FLG: variants seen among roughly 807,000 people sequenced by gnomAD.
FLG encodes the protein filaggrin.
FLG carries 6 observed loss-of-function variants against 3.8 expected under a neutral mutation model. The observed-to-expected ratio is 1.60, with a 90% CI of 0.87 to 3.15. FLG has a LOEUF of 3.15. Among genes scored for constraint, FLG ranks in the 30% most tolerant of loss-of-function variants. The pLI is 0.00. For missense variants in FLG, 7,595 were observed against 5,050.9 expected, an observed-to-expected ratio of 1.50 and a Z score of -15.27; for synonymous variants, 2,551 against 1,931.6, an observed-to-expected ratio of 1.32 and a Z score of -8.41.
rs143755834 is a variant in FLG at position 152,312,080 on chromosome 1, A to G, written c.2806T>C (p.Ser936Pro). The G allele has an allele frequency of 4.0e-4, 640 of 1,613,188 alleles. 1 individual carries two copies. The highest frequency in any genetic ancestry group is 5.1e-4 in the Non-Finnish European group (603 of 1,179,828). The part of the protein sequence containing the change: ...SQAGQGQSEG[S>P]RTSRRQGSSV... The stretch of plus-strand genomic sequence containing the variant: ...GATCCCTGGCGCCTGCTTGTCCTGG[A>G]CCCCTCTGATTGTCCCTGGCCTGCC... The change falls in exon 3 of 3, where the codon TCC (serine) becomes CCC (proline). Residue 936 changes from serine to proline, a missense_variant. Coordinates refer to ENST00000368799, the MANE Select transcript of FLG (RefSeq NM_002016.2).
Position 152,310,228 on chromosome 1 carries a change from C to T in FLG, c.4658G>A (p.Gly1553Asp). 1.9e-6 allele frequency: 3 copies of T among 1,613,838 alleles called. No individual in the cohort carries two copies. The highest frequency in any genetic ancestry group is 2.5e-6 in the Non-Finnish European group (3 of 1,179,974). ...GTGACGTGACCCTGAGTGCCTGGAG[C>T]CGTCTCCTGATTGTTCCTCATTTCT... ...QTRNEEQSGD[G>D]SRHSGSRHHE... The change falls in exon 3 of 3, where the codon GGC (glycine) becomes GAC (aspartate). Residue 1553 changes from glycine to aspartate, a missense_variant. Physicochemically the swap from Gly to Asp is moderately conservative, Grantham distance 94. Transcript: ENST00000368799.
At chr1:152,319,520 C>T (rs1652888802) in intron 1 of FLG, among the ~76,000 whole-genome samples, 1 of 151,130 alleles carries the variant, frequency 6.6e-6, no homozygotes, top group South Asian at 2.1e-4. Context: ...TAAAAGAAAA[C>T]CAAAGCAAGA....
chr1:152,307,610 A>T lies in FLG; in HGVS notation c.7276T>A (p.Ser2426Thr). Residue 2426 changes from serine to threonine, a missense_variant, in exon 3 of 3, where the codon TCC (serine) becomes ACC (threonine). Ser to Thr is a moderately conservative substitution (Grantham distance 58). Coordinates refer to ENST00000368799, the MANE Select transcript of FLG (RefSeq NM_002016.2). ...CTGGTCCCGGTCCGTCCATGGGCGG[A>T]CTCAGACTGTTCATGAGTGCTCACC... ...YQVSTHEQSE[S>T]AHGRTGTSTG... 1.9e-6 allele frequency: 3 copies of T among 1,612,514 alleles called. No individual in the cohort carries two copies. Among genetic ancestry groups the T allele is most frequent in the Non-Finnish European group, 2.5e-6 (3 of 1,179,726 alleles).
rs763503834 is a variant in FLG at position 152,304,403 on chromosome 1, A to T, written c.10483T>A (p.Ser3495Thr). 39 of 1,610,522 alleles carry T rather than the reference A, an allele frequency of 2.4e-5. No homozygotes were observed. The highest frequency in any genetic ancestry group is 3.3e-5 in the Non-Finnish European group (39 of 1,178,878). ...ASRQTRNDEQ[S>T]GDGSRHSWSH... ...CATGAGTGCCTGGAGCCATCTCCTG[A>T]TTGTTCGTCATTACGAGTTTGTCTG... Residue 3495 changes from serine to threonine, a missense_variant, in exon 3 of 3, where the codon TCA (serine) becomes ACA (threonine). Transcript: ENST00000368799.
Position 152,310,337 on chromosome 1 carries a change from A to G in FLG, c.4549T>C (p.Tyr1517His). The change falls in exon 3 of 3, where the codon TAC becomes CAC. Residue 1517 changes from tyrosine to histidine, a missense_variant. Physicochemically the swap from Tyr to His is moderately conservative, Grantham distance 83. Coordinates refer to ENST00000368799, the MANE Select transcript of FLG (RefSeq NM_002016.2). ...QSVDRSGHSGYHHSHTTPQGR... is the reference protein window; with the variant it reads ...QSVDRSGHSGHHHSHTTPQGR... ...TGGGGTGTGGTGTGGCTGTGATGGT[A>G]CCCTGAGTGTCCAGACCTATCTACT... The G allele has an allele frequency of 1.9e-6, 3 of 1,613,610 alleles. No individual in the cohort carries two copies. Among genetic ancestry groups the G allele is most frequent in the Non-Finnish European group, 2.5e-6 (3 of 1,179,936 alleles).
intron 1 of FLG, 49 bp from the exon 2 acceptor site, chr1:152,315,526 G>A: frequency 7.2e-7 from 1 of 1,385,024 alleles, no homozygotes. Flanking sequence ...TTTTTTTCTA[G>A]GTTATATTAT....
chr1:152,319,515 G>T (rs1250831499), intron 1 of FLG, among the ~76,000 whole-genome samples: 1 of 151,374 alleles, frequency 6.6e-6, no homozygotes, highest in Non-Finnish European at 1.5e-5. Flanking sequence ...AGATATAAAA[G>T]AAAACCAAAG....
Position 152,312,074 on chromosome 1 carries a change from T to C in FLG, c.2812A>G (p.Thr938Ala). The change falls in exon 3 of 3, where the codon ACA becomes GCA. Residue 938 changes from threonine (T) to alanine (A), a missense_variant. Transcript: ENST00000368799. The stretch of plus-strand genomic sequence containing the variant: ...ACACTGGATCCCTGGCGCCTGCTTG[T>C]CCTGGACCCCTCTGATTGTCCCTGG... ...AGQGQSEGSR[T>A]SRRQGSSVSQ... 1 of 1,614,118 alleles carries C rather than the reference T, an allele frequency of 6.2e-7. No individual in the cohort carries two copies. Among genetic ancestry groups the C allele is most frequent in the Non-Finnish European group, 8.5e-7 (1 of 1,180,014 alleles).
chr1:152,304,992 T>G lies in FLG; in HGVS notation c.9894A>C (p.Pro3298=), dbSNP rs1172507233. The change falls in exon 3 of 3, where the codon CCA becomes CCC. Residue 3298 remains proline, a synonymous_variant. Transcript: ENST00000368799. ...GGTGGCGGGATCCGTGTCTCTCTCC[T>G]GGACTTGATCTTGCCTGTTCATGGG... ...ASSHEQARSS[P]GERHGSRHQQ... The G allele has an allele frequency of 4.3e-5, 70 of 1,613,700 alleles. 2 individuals carry two copies. The Admixed American group carries it at 1.1e-3, about 25-fold the overall frequency.
chr1:152,315,602 A>T, intron 1 of FLG, 125 bp from the exon 2 acceptor site: 1 of 696,220 alleles, frequency 1.4e-6, no homozygotes, highest in South Asian at 1.9e-5. Context: ...AGAATGGAAG[A>T]TGGACATGAG....
In FLG at chr1:152,312,150, A is replaced by T. The variant is rs1431415013; in HGVS notation, c.2736T>A (p.Arg912=). 4 of 1,613,724 alleles carry T rather than the reference A, an allele frequency of 2.5e-6. No individual in the cohort carries two copies. The highest frequency in any genetic ancestry group is 3.4e-6 in the Non-Finnish European group (4 of 1,179,922). Residue 912 remains arginine (R), a synonymous_variant, in exon 3 of 3, where the codon CGT becomes CGA. Transcript: ENST00000368799. The part of the protein sequence containing the change: ...SRDGSRHSGS[R]HHEASSHADI... ...CGGCATGAGAGGAAGCTTCATGGTG[A>T]CGTGACCCTGAGTGCCTGGAGCCGT... is the stretch of plus-strand genomic sequence containing the variant.
rs1240524754 is a variant in FLG at position 152,303,605 on chromosome 1, G to A, written c.11281C>T (p.His3761Tyr). The A allele has an allele frequency of 2.5e-6, 4 of 1,613,862 alleles. No individual in the cohort carries two copies. The highest frequency in any genetic ancestry group is 2.5e-6 in the Non-Finnish European group (3 of 1,179,932). ...CTTCCTCCTCTCCTTGACCCCGGGTGTCCACGAATGGTGTCCTGACCCTCT... is the reference window on the plus strand; with the variant it reads ...CTTCCTCCTCTCCTTGACCCCGGGTATCCACGAATGGTGTCCTGACCCTCT... ...SQEGQDTIRG[H>Y]PGSRRGGRQG... Residue 3761 changes from histidine to tyrosine, a missense_variant, in exon 3 of 3, where the codon CAC (histidine) becomes TAC (tyrosine). His to Tyr is a moderately conservative substitution (Grantham distance 83). Coordinates refer to ENST00000368799, the MANE Select transcript of FLG (RefSeq NM_002016.2).
At position 152,312,750 on chromosome 1, in the gene FLG, G is replaced by T. The variant is rs774723924; in HGVS notation, c.2136C>A (p.His712Gln). Residue 712 changes from histidine to glutamine, a missense_variant, in exon 3 of 3, where the codon CAC becomes CAA. Coordinates refer to ENST00000368799, the MANE Select transcript of FLG (RefSeq NM_002016.2). ...TGGAGCTGTCTGCTGACTGGAGCTGGTGGCGGGATCCATGTCTTTCTCCTG... is the reference window on the plus strand; with the variant it reads ...TGGAGCTGTCTGCTGACTGGAGCTGTTGGCGGGATCCATGTCTTTCTCCTG... The part of the protein sequence containing the change: ...SSAGERHGSR[H>Q]QLQSADSSRH... 7.4e-6 allele frequency: 12 copies of T among 1,614,018 alleles called. No homozygotes were observed. Among genetic ancestry groups the T allele is most frequent in the Non-Finnish European group, 8.5e-6 (10 of 1,180,026 alleles).
rs377623637 is a variant in FLG at position 152,310,771 on chromosome 1, C to T, written c.4115G>A (p.Gly1372Asp). 13 of 1,613,728 alleles carry T rather than the reference C, an allele frequency of 8.1e-6. No individual in the cohort carries two copies. Among genetic ancestry groups the T allele is most frequent in the Non-Finnish European group, 1.0e-5 (12 of 1,179,962 alleles). ...QQSADSSRHS[G>D]IGHRQASSAV... ...AGATGAAGCTTGTCTGTGCCCAATG[C>T]CTGAGTGTCTGGAGCTGTCTGCTGA... The change falls in exon 3 of 3, where the codon GGC becomes GAC. Residue 1372 changes from glycine to aspartate, a missense_variant. By Grantham distance (94) the Gly-to-Asp change is moderately conservative. Transcript: ENST00000368799.
intron 1 of FLG, among the ~76,000 whole-genome samples, chr1:152,316,209 T>C (rs978127074): frequency 3.3e-5 from 5 of 152,126 alleles, no homozygotes; most frequent in Admixed American, 1.3e-4. Context: ...TAGAAAACAA[T>C]GTGAAGGAGA....
At position 152,304,504 on chromosome 1, in the gene FLG, C is replaced by G. The variant is rs1651805551; in HGVS notation, c.10382G>C (p.Gly3461Ala). The change falls in exon 3 of 3, where the codon GGG (glycine) becomes GCG (alanine). Residue 3461 changes from glycine (G) to alanine (A), a missense_variant. Physicochemically the swap from Gly to Ala is moderately conservative, Grantham distance 60. Coordinates refer to ENST00000368799, the MANE Select transcript of FLG (RefSeq NM_002016.2). ...GGATGTGGTGTGGCTGTGATGGGACCCTGAGTGTCCAGACCTATCTACCGA... is the reference window on the plus strand; with the variant it reads ...GGATGTGGTGTGGCTGTGATGGGACGCTGAGTGTCCAGACCTATCTACCGA... ...EQSVDRSGHS[G>A]SHHSHTTSQG... is the part of the protein sequence containing the mutation. 6.2e-7 allele frequency: 1 copy of G among 1,612,718 alleles called. No homozygotes were observed. The highest frequency in any genetic ancestry group is 1.3e-5 in the African/African-American group (1 of 74,656).
In FLG at chr1:152,306,019, T is replaced by A; in HGVS notation, c.8867A>T (p.Gln2956Leu). 6.3e-7 allele frequency: 1 copy of A among 1,588,446 alleles called. No homozygotes were observed. The highest frequency in any genetic ancestry group is 8.5e-7 in the Non-Finnish European group (1 of 1,176,032). ...SSRQSGTRHT[Q>L]TSSGGQAASS... ...TGCAGCCTGTCCACCAGAGGAAGTCTGTGTGTGACGAGTGCCTGATTGTCT... is the reference window on the plus strand; with the variant it reads ...TGCAGCCTGTCCACCAGAGGAAGTCAGTGTGTGACGAGTGCCTGATTGTCT... The change falls in exon 3 of 3, where the codon CAG becomes CTG. Residue 2956 changes from glutamine (Q) to leucine (L), a missense_variant. Coordinates refer to ENST00000368799, the MANE Select transcript of FLG (RefSeq NM_002016.2).
In FLG at chr1:152,314,696, C is replaced by T. The variant is rs773267945; in HGVS notation, c.190G>A (p.Asp64Asn). Reference protein sequence around the residue: ...VDVFMDHLDIDHNKKIDFTEF... With the variant: ...VDVFMDHLDINHNKKIDFTEF... ...GTGAAGTCAATTTTCTTGTTGTGGT[C>T]TATATCCAAGTGATCCATGAAGACA... The change falls in exon 3 of 3, where the codon GAC becomes AAC. Residue 64 changes from aspartate (D) to asparagine (N), a missense_variant. Physicochemically the swap from Asp to Asn is conservative, Grantham distance 23. Transcript: ENST00000368799. 6.8e-6 allele frequency: 11 copies of T among 1,613,950 alleles called. No individual in the cohort carries two copies. The highest frequency in any genetic ancestry group is 9.3e-6 in the Non-Finnish European group (11 of 1,179,912).
rs1557876973 is a variant in FLG, at chr1:152,309,767, C to CTGAG, written c.5118_5119insCTCA (p.Gly1707LeufsTer12). On this transcript the variant is annotated frameshift_variant, in exon 3 of 3. Coordinates refer to ENST00000368799, the MANE Select transcript of FLG (RefSeq NM_002016.2). LOFTEE classifies it low-confidence loss of function (END_TRUNC). ...CTGGACCCTCGGTTTCCACTGTCTCCGACTACAGATGAATCTTGTCTGCGC... is the reference window on the plus strand; with the variant it reads ...CTGGACCCTCGGTTTCCACTGTCTCCTGAGGACTACAGATGAATCTTGTCTGCGC... The CTGAG allele has an allele frequency of 6.2e-7, 1 of 1,613,704 alleles. No homozygotes were observed. The highest frequency in any genetic ancestry group is 2.2e-5 in the East Asian group (1 of 44,814).
Sources: allele counts gnomAD v4.1 joint callset (sites outside exome capture counted in the v4.1 genomes callset), GRCh38; gene constraint gnomAD v4.1.1; transcripts MANE v1.5; gene names NCBI Gene and HGNC (gene_info 2026-07-23, HGNC 2026-07-21).